Variants in LYPLAL1 observed in about 807,000 individuals in gnomAD.
LYPLAL1 encodes lysophospholipase-like protein 1.
A neutral mutation model predicts 19.7 loss-of-function variants in LYPLAL1; 23 were observed. That is an observed-to-expected ratio of 1.17 (90% confidence interval 0.84 to 1.65). The LOEUF (loss-of-function observed/expected upper bound fraction) is 1.65, where lower values mean the gene tolerates loss of function less well. Ranked by LOEUF, LYPLAL1 falls within the 40% of genes most tolerant of loss-of-function variation. The pLI is 0.00. For missense variants in LYPLAL1, 355 were observed against 279.4 expected, an observed-to-expected ratio of 1.27 and a Z score of -1.93; for synonymous variants, 119 against 96.3, an observed-to-expected ratio of 1.24 and a Z score of -1.38.
the LYPLAL1 span, among the ~76,000 whole-genome samples, chr1:219,434,837 C>A: frequency 7.2e-5 from 11 of 152,052 alleles, no homozygotes; most frequent in Non-Finnish European, 1.6e-4. Context: ...AAATAATCAG[C>A]CGTGTTCTTA....
At chr1:219,184,089 A>G (rs1333479571) in intron 2 of LYPLAL1, among the ~76,000 whole-genome samples, 1 of 151,886 alleles carries the variant, frequency 6.6e-6, no homozygotes, top group Admixed American at 6.6e-5. Context: ...TCAATTTTAC[A>G]AAACACCTGT....
the LYPLAL1 span, among the ~76,000 whole-genome samples, chr1:219,265,107 C>T: frequency 1.3e-5 from 2 of 152,080 alleles, no homozygotes; most frequent in African/African-American, 4.8e-5. Flanking sequence ...GCATTAATGG[C>T]AATAAATGGG....
chr1:219,231,673 T>C, the LYPLAL1 span, among the ~76,000 whole-genome samples: 3 of 152,200 alleles, frequency 2.0e-5, no homozygotes. Context: ...ATCATTCATT[T>C]TTAAACAGAT....
chr1:219,439,541 G>T, the LYPLAL1 span, among the ~76,000 whole-genome samples: 1 of 152,196 alleles, frequency 6.6e-6, no homozygotes, highest in East Asian at 1.9e-4. Context: ...TCTTTTCAAG[G>T]AAATGTGCAA....
At chr1:219,207,541 ATT>A (rs1022048011) in intron 3 of LYPLAL1, among the ~76,000 whole-genome samples, 6 of 152,086 alleles carry the variant, frequency 3.9e-5, no homozygotes, top group African/African-American at 1.4e-4. Context: ...TTGCAGAGAT[ATT>A]GTTACTGAGT....
the LYPLAL1 span, among the ~76,000 whole-genome samples, chr1:219,405,629 C>A: frequency 2.6e-5 from 4 of 152,130 alleles, no homozygotes; most frequent in Non-Finnish European, 5.9e-5. Flanking sequence ...TAACTTGACA[C>A]CATGTTTTAG....
At chr1:219,308,067 G>A in the LYPLAL1 span, among the ~76,000 whole-genome samples, 1 of 152,228 alleles carries the variant, frequency 6.6e-6, no homozygotes, top group Admixed American at 6.5e-5. Context: ...TCCAGGCTGA[G>A]GTGGTCTCAG....
chr1:219,207,061 A>G (rs1211747690), intron 3 of LYPLAL1, among the ~76,000 whole-genome samples: 3 of 151,972 alleles, frequency 2.0e-5, no homozygotes, highest in Non-Finnish European at 2.9e-5. Context: ...CTTTAGTTAA[A>G]TAAAATATAG....
At chr1:219,276,520 G>C in the LYPLAL1 span, among the ~76,000 whole-genome samples, 1 of 152,170 alleles carries the variant, frequency 6.6e-6, no homozygotes, top group Non-Finnish European at 1.5e-5. Context: ...GAGCAAAAAC[G>C]CTTCCAATAT....
the LYPLAL1 span, among the ~76,000 whole-genome samples, chr1:219,440,556 G>T: frequency 6.6e-6 from 1 of 152,240 alleles, no homozygotes; most frequent in East Asian, 1.9e-4. Flanking sequence ...TATCAGTAAA[G>T]ATAATGGCAA....
the LYPLAL1 span, among the ~76,000 whole-genome samples, chr1:219,232,442 A>G: frequency 6.6e-6 from 1 of 152,206 alleles, no homozygotes; most frequent in Non-Finnish European, 1.5e-5. Flanking sequence ...TTAGAAAAAA[A>G]CATAAGAAGA....
chr1:219,308,314 A>G, the LYPLAL1 span, among the ~76,000 whole-genome samples: 1 of 152,192 alleles, frequency 6.6e-6, no homozygotes, highest in Non-Finnish European at 1.5e-5. Context: ...AGTTTGGAAA[A>G]TTTGCAGCCT....
chr1:219,191,294 G>T (rs539110415), intron 2 of LYPLAL1, among the ~76,000 whole-genome samples: 3 of 151,658 alleles, frequency 2.0e-5, no homozygotes, highest in East Asian at 3.9e-4. Context: ...ATAAAAACAC[G>T]TATGCATATG....
At chr1:219,179,343 T>C (rs937149881) in intron 2 of LYPLAL1, 97 bp downstream of exon 2, 1 of 855,666 alleles carries the variant, frequency 1.2e-6, no homozygotes, top group Non-Finnish European at 1.9e-6. Context: ...CTTAATTTTG[T>C]ATTTAACATA....
chr1:219,330,990 C>A, the LYPLAL1 span, among the ~76,000 whole-genome samples: 1 of 152,178 alleles, frequency 6.6e-6, no homozygotes, highest in Non-Finnish European at 1.5e-5. Context: ...GGCTAGTATT[C>A]CTGCTGTTGT....
At chr1:219,184,913 TATC>T (rs1320047775) in intron 2 of LYPLAL1, among the ~76,000 whole-genome samples, 3 of 151,344 alleles carry the variant, frequency 2.0e-5, no homozygotes, top group South Asian at 2.1e-4. Context: ...TGAAAAACGT[TATC>T]ATCGGGGTTA....
chr1:219,392,138 A>G, the LYPLAL1 span, among the ~76,000 whole-genome samples: 3 of 152,094 alleles, frequency 2.0e-5, 1 homozygote, highest in South Asian at 6.2e-4. Context: ...GGGAGCCCCA[A>G]GAGTCGTGAG....
At chr1:219,287,202 G>A in the LYPLAL1 span, among the ~76,000 whole-genome samples, 1 of 152,100 alleles carries the variant, frequency 6.6e-6, no homozygotes, top group African/African-American at 2.4e-5. Flanking sequence ...GAAGAGGTGA[G>A]GAAGAATGAC....
At chr1:219,313,619 C>T in the LYPLAL1 span, among the ~76,000 whole-genome samples, 1 of 151,982 alleles carries the variant, frequency 6.6e-6, no homozygotes, top group Non-Finnish European at 1.5e-5. Context: ...GCAACCTCCA[C>T]ATACTTCCGG....
Sources: allele counts gnomAD v4.1 joint callset (sites outside exome capture counted in the v4.1 genomes callset), GRCh38; gene constraint gnomAD v4.1.1; transcripts MANE v1.5; gene names NCBI Gene and HGNC (gene_info 2026-07-23, HGNC 2026-07-21).